VTA1: variants seen among roughly 807,000 people sequenced by gnomAD.
VTA1 encodes the protein vacuolar protein sorting-associated protein VTA1 homolog.
In VTA1, 24 loss-of-function variants were observed where a neutral mutation model predicts 36.9. The observed-to-expected ratio is 0.65, with a 90% CI of 0.47 to 0.91. The LOEUF (loss-of-function observed/expected upper bound fraction) is 0.91, where lower values mean the gene tolerates loss of function less well. VTA1 is among the 40% of genes least tolerant of loss of function. The probability of loss-of-function intolerance (pLI) is 0.00; values close to 1 mark genes in which losing one functional copy is unlikely to be tolerated. For missense variants in VTA1, 393 were observed against 377.2 expected (o/e 1.04, Z -0.35); for synonymous variants, 142 against 130.2 (o/e 1.09, Z -0.62).
At chr6:142,147,470 T>A in intron 1 of VTA1, 71 bp downstream of exon 1, 2 of 1,454,036 alleles carry the variant, frequency 1.4e-6, no homozygotes, top group South Asian at 2.4e-5. Context: ...CTCCCTGAGG[T>A]TCTTGGGGCA....
intron 4 of VTA1, among the ~76,000 whole-genome samples, chr6:142,183,245 G>C (rs530775045): frequency 1.0e-3 from 157 of 152,260 alleles, no homozygotes; most frequent in African/African-American, 3.8e-3. Context: ...GCCTAGGATG[G>C]GTTCAATATA....
chr6:142,213,742 G>T (rs1419352378), intron 7 of VTA1, among the ~76,000 whole-genome samples: 1 of 152,184 alleles, frequency 6.6e-6, no homozygotes, highest in Non-Finnish European at 1.5e-5. Context: ...CCACACCTTG[G>T]TCCCTTTTAG....
intron 5 of VTA1, among the ~76,000 whole-genome samples, chr6:142,196,322 T>C (rs948586170): frequency 1.3e-5 from 2 of 152,212 alleles, no homozygotes; most frequent in Non-Finnish European, 2.9e-5. Context: ...TATTTGTCTG[T>C]TATTAAAATT....
rs1482572877 is a variant in VTA1, at chr6:142,219,702, C to T, written c.*1059C>T. On this transcript the variant is annotated 3_prime_UTR_variant, in exon 8 of 8. Transcript: ENST00000367630. ...ATATGGGTGTTTCTATAGGAAGAAA[C>T]AGGTTTTTTGTTTTTTGTTTTTTAA... The T allele has an allele frequency of 6.6e-6, 1 of 152,090 alleles. No individual in the cohort carries two copies. The highest frequency in any genetic ancestry group is 2.4e-5 in the African/African-American group (1 of 41,416). 9.4% of individuals were successfully genotyped at this position (152,090 alleles called of 1,614,324 possible).
chr6:142,175,407 T>C (rs1020850230), intron 4 of VTA1, among the ~76,000 whole-genome samples: 2 of 151,906 alleles, frequency 1.3e-5, no homozygotes, highest in Non-Finnish European at 2.9e-5. Flanking sequence ...TGGAAATGTG[T>C]TTTTAGCCGG....
intron 3 of VTA1, 65 bp downstream of exon 3, chr6:142,169,742 G>T: frequency 7.3e-7 from 1 of 1,365,694 alleles, no homozygotes; most frequent in Non-Finnish European, 9.5e-7. Context: ...AAATTAACTA[G>T]TTTTCTCTGG....
intron 4 of VTA1, among the ~76,000 whole-genome samples, chr6:142,186,824 T>TA (rs34311782): frequency 3.1e-4 from 46 of 147,270 alleles, no homozygotes; most frequent in South Asian, 4.3e-4. Context: ...ATGAAGAGGT[T>TA]AAAAAAAAAA....
At chr6:142,181,093 A>T (rs1385694857) in intron 4 of VTA1, among the ~76,000 whole-genome samples, 1 of 72,440 alleles carries the variant, frequency 1.4e-5, no homozygotes, top group Non-Finnish European at 2.6e-5. Context: ...AAAAAAAAAA[A>T]AATATATATA....
intron 7 of VTA1, among the ~76,000 whole-genome samples, chr6:142,218,076 C>G (rs112557766): frequency 6.6e-6 from 1 of 151,998 alleles, no homozygotes; most frequent in Non-Finnish European, 1.5e-5. Context: ...GCTAAGCAAC[C>G]TGGTTTTCTT....
chr6:142,165,447 T>C (rs1011075264), intron 1 of VTA1, among the ~76,000 whole-genome samples: 1 of 152,178 alleles, frequency 6.6e-6, no homozygotes, highest in African/African-American at 2.4e-5. Flanking sequence ...ATTCAAAAAC[T>C]TCGTTGCATT....
intron 7 of VTA1, among the ~76,000 whole-genome samples, chr6:142,208,478 C>T (rs1342770796): frequency 6.6e-6 from 1 of 152,036 alleles, no homozygotes; most frequent in African/African-American, 2.4e-5. Context: ...CATTGATGTT[C>T]AAGAGGGAGC....
chr6:142,183,246 G>A (rs1473113967), intron 4 of VTA1, among the ~76,000 whole-genome samples: 2 of 152,168 alleles, frequency 1.3e-5, no homozygotes, highest in African/African-American at 4.8e-5. Context: ...CCTAGGATGG[G>A]TTCAATATAA....
intron 1 of VTA1, among the ~76,000 whole-genome samples, chr6:142,150,699 A>G (rs1470062007): frequency 6.6e-6 from 1 of 152,148 alleles, no homozygotes; most frequent in Non-Finnish European, 1.5e-5. Context: ...ATAAACCTTC[A>G]TTCGGGAGTT....
chr6:142,181,423 G>A (rs911848660), intron 4 of VTA1, among the ~76,000 whole-genome samples: 6 of 145,896 alleles, frequency 4.1e-5, no homozygotes, highest in Non-Finnish European at 7.5e-5. Flanking sequence ...ATAAGCCACC[G>A]TGCCAGGCCT....
At chr6:142,181,116 T>TATATAC (rs753996612) in intron 4 of VTA1, among the ~76,000 whole-genome samples, 4,725 of 85,848 alleles carry the variant, frequency 0.055, 264 homozygotes, top group East Asian at 0.24. Context: ...TATATATATA[T>TATATAC]ACACACACAC....
chr6:142,210,501 A>G (rs1271107753), intron 7 of VTA1, among the ~76,000 whole-genome samples: 1 of 152,210 alleles, frequency 6.6e-6, no homozygotes, highest in East Asian at 1.9e-4. Context: ...AACCCATGGA[A>G]TGGGAGAAAA....
intron 1 of VTA1, among the ~76,000 whole-genome samples, chr6:142,163,534 T>A (rs1415927413): frequency 1.4e-5 from 2 of 147,730 alleles, no homozygotes; most frequent in Admixed American, 6.7e-5. Context: ...TGTGAGAAAT[T>A]TTTTTTTTTA....
In VTA1 at chr6:142,166,254, A is replaced by C. The variant is rs1774912547; in HGVS notation, c.139A>C (p.Met47Leu). ...YCRLYAMQTG[M>L]KIDSKTPECR... Reference sequence around the variant, plus strand: ...TCGTTTATACGCAATGCAGACTGGAATGAAGATCGATAGTAAAACTCCTGA... The same window carrying C: ...TCGTTTATACGCAATGCAGACTGGACTGAAGATCGATAGTAAAACTCCTGA... Residue 47 changes from methionine (M) to leucine (L), a missense_variant, in exon 2 of 8, where the codon ATG becomes CTG. Met to Leu is a conservative substitution (Grantham distance 15). Transcript: ENST00000367630. 2.5e-6 allele frequency: 4 copies of C among 1,612,094 alleles called. No homozygotes were observed. Among genetic ancestry groups the C allele is most frequent in the African/African-American group, 1.3e-5 (1 of 74,900 alleles).
At chr6:142,213,383 GCTTTCACAGGCTGATGT>G (rs961479742) in intron 7 of VTA1, among the ~76,000 whole-genome samples, 2 of 152,312 alleles carry the variant, frequency 1.3e-5, no homozygotes, top group African/African-American at 4.8e-5. Context: ...CCCCTTGGCT[GCTTTCACAGGCTGATGT>G]TGAGTGCCTG....
Sources: allele counts gnomAD v4.1 joint callset (sites outside exome capture counted in the v4.1 genomes callset), GRCh38; gene constraint gnomAD v4.1.1; transcripts MANE v1.5; gene names NCBI Gene and HGNC (gene_info 2026-07-23, HGNC 2026-07-21).